The following MND1 variants were observed in gnomAD, a reference collection of about 807,000 sequenced individuals.
The protein encoded by MND1 is meiotic nuclear division protein 1 homolog.
MND1 carries 28 observed loss-of-function variants against 35.1 expected under a neutral mutation model. The observed-to-expected ratio is 0.80, with a 90% confidence interval of 0.59 to 1.09. MND1 has a LOEUF of 1.09. Ranked by LOEUF, MND1 falls within the 50% of genes least tolerant of loss-of-function variation. The probability of loss-of-function intolerance (pLI) is 0.00; values close to 1 mark genes in which losing one functional copy is unlikely to be tolerated. For synonymous variants in MND1, 69 were observed against 70.5 expected (o/e 0.98, Z 0.11); for missense variants, 213 against 239.6 (o/e 0.89, Z 0.73).
intron 6 of MND1, among the ~76,000 whole-genome samples, chr4:153,406,921 C>T (rs889127245): frequency 1.3e-5 from 2 of 152,212 alleles, no homozygotes; most frequent in African/African-American, 4.8e-5. Flanking sequence ...AGGTACGTCT[C>T]ACATGGTGGC....
chr4:153,374,952 AT>A (rs1728459264), intron 4 of MND1, among the ~76,000 whole-genome samples: 1 of 152,266 alleles, frequency 6.6e-6, no homozygotes, highest in Admixed American at 6.5e-5. Flanking sequence ...CAATAAAAAA[AT>A]AATAGAATAT....
At chr4:153,383,527 CCT>C (rs929504305) in intron 4 of MND1, among the ~76,000 whole-genome samples, 37 of 152,178 alleles carry the variant, frequency 2.4e-4, no homozygotes, top group African/African-American at 7.7e-4. Context: ...TCGTTTACCT[CCT>C]CTCTCTTTCT....
At chr4:153,413,687 GA>G (rs35958362) in intron 7 of MND1, among the ~76,000 whole-genome samples, 27,446 of 138,942 alleles carry the variant, frequency 0.2, 2,686 homozygotes, top group African/African-American at 0.26. Flanking sequence ...GTCTCAAGGG[GA>G]AAAAAAAAAA....
chr4:153,379,251 C>T lies in MND1; in HGVS notation c.277-15011C>T, dbSNP rs555311240. Among the ~76,000 whole-genome samples the T allele has an allele frequency of 4.2e-5, 6 of 141,584 alleles. No homozygotes were observed. The South Asian group carries it at 1.3e-3, about 31-fold the overall frequency. The allele number at this position is 141,584 out of a possible 152,430, so 92.9% of individuals were successfully genotyped here. A position where few individuals can be genotyped will look rare whatever the true frequency, so the allele number is the denominator to read the frequency against. ...CTTGCAGTGAGCCGAGATCCTGCCA[C>T]TGCACTCCAGCCTGGGCGACAGAGC... On this transcript the variant is annotated intron_variant, in intron 4 of 7. Transcript: ENST00000240488.
At chr4:153,387,905 A>G (rs1728913014) in intron 4 of MND1, among the ~76,000 whole-genome samples, 1 of 150,202 alleles carries the variant, frequency 6.7e-6, no homozygotes, top group Non-Finnish European at 1.5e-5. Flanking sequence ...TGCTTTTGCT[A>G]TTATCTCTTT....
intron 6 of MND1, among the ~76,000 whole-genome samples, chr4:153,403,091 G>A (rs971977257): frequency 1.6e-4 from 25 of 152,160 alleles, no homozygotes; most frequent in African/African-American, 4.6e-4. Flanking sequence ...AGCCATGATC[G>A]TGCCACTCTG....
At chr4:153,361,154 A>T (rs1032441442) in intron 4 of MND1, among the ~76,000 whole-genome samples, 1 of 152,174 alleles carries the variant, frequency 6.6e-6, no homozygotes, top group East Asian at 1.9e-4. Context: ...CACTTTATGG[A>T]TTTAAAAACA....
intron 4 of MND1, among the ~76,000 whole-genome samples, 155 bp from the exon 5 acceptor site, chr4:153,394,107 A>G (rs545504401): frequency 1.2e-4 from 18 of 151,822 alleles, no homozygotes; most frequent in African/African-American, 3.1e-4. Context: ...CGTGTTGGCC[A>G]GGATGGTCTC....
At chr4:153,385,257 C>T (rs904904583) in intron 4 of MND1, among the ~76,000 whole-genome samples, 7 of 152,076 alleles carry the variant, frequency 4.6e-5, no homozygotes, top group South Asian at 2.1e-4. Flanking sequence ...TGATATCTCC[C>T]GAAATTTTTC....
chr4:153,380,368 T>C lies in MND1; in HGVS notation c.277-13894T>C, dbSNP rs1462270138. ...AGTAGTTACTGCAGCTACTGTGTCCTACCATGACAACACCAAAGCAGAAAG... is the reference window on the plus strand; with the variant it reads ...AGTAGTTACTGCAGCTACTGTGTCCCACCATGACAACACCAAAGCAGAAAG... On this transcript the variant is annotated intron_variant, in intron 4 of 7. Transcript: ENST00000240488. Among the ~76,000 whole-genome samples, 5 of 152,220 alleles carry C rather than the reference T, an allele frequency of 3.3e-5. 1 individual carries two copies. Among genetic ancestry groups the C allele is most frequent in the Non-Finnish European group, 7.3e-5 (5 of 68,038 alleles).
intron 4 of MND1, among the ~76,000 whole-genome samples, chr4:153,392,718 A>G (rs1729080818): frequency 6.6e-6 from 1 of 152,218 alleles, no homozygotes; most frequent in South Asian, 2.1e-4. Flanking sequence ...ATGCCAATCA[A>G]CATTCAATAT....
At chr4:153,396,192 C>T (rs1023848331) in intron 5 of MND1, among the ~76,000 whole-genome samples, 9 of 152,234 alleles carry the variant, frequency 5.9e-5, no homozygotes, top group East Asian at 1.9e-4. Flanking sequence ...TTTAGTTTCT[C>T]GGTCCCAGTG....
At chr4:153,378,562 G>A (rs1231279691) in intron 4 of MND1, among the ~76,000 whole-genome samples, 1 of 152,162 alleles carries the variant, frequency 6.6e-6, no homozygotes, top group Non-Finnish European at 1.5e-5. Flanking sequence ...CCATTTTTAT[G>A]AGGGATTGGT....
intron 6 of MND1, among the ~76,000 whole-genome samples, chr4:153,406,965 A>G (rs1561080702): frequency 6.6e-6 from 1 of 152,172 alleles, no homozygotes; most frequent in Non-Finnish European, 1.5e-5. Context: ...GGAAACTCCC[A>G]TTTTTAAAGC....
intron 1 of MND1, among the ~76,000 whole-genome samples, chr4:153,348,113 G>T (rs1414958613): frequency 6.6e-6 from 1 of 152,098 alleles, no homozygotes; most frequent in Non-Finnish European, 1.5e-5. Context: ...GATGATGAAG[G>T]CCTGAATGAG....
intron 4 of MND1, among the ~76,000 whole-genome samples, chr4:153,388,272 C>T (rs911776490): frequency 6.6e-6 from 1 of 152,130 alleles, no homozygotes; most frequent in African/African-American, 2.4e-5. Context: ...GGAGGATCAC[C>T]TGAGCCCGGG....
At chr4:153,360,531 GTACA>G (rs1773454663) in intron 4 of MND1, among the ~76,000 whole-genome samples, 3 of 150,736 alleles carry the variant, frequency 2.0e-5, no homozygotes, top group Admixed American at 2.0e-4. Context: ...TCAATTTTTT[GTACA>G]TACATGTCCA....
intron 6 of MND1, among the ~76,000 whole-genome samples, chr4:153,407,853 G>C (rs1391113402): frequency 6.6e-6 from 1 of 152,210 alleles, no homozygotes; most frequent in East Asian, 1.9e-4. Context: ...TAGGTTAGTA[G>C]TTGCCAGGGG....
intron 4 of MND1, among the ~76,000 whole-genome samples, chr4:153,372,297 G>A (rs1226565311): frequency 1.3e-5 from 2 of 151,934 alleles, no homozygotes; most frequent in African/African-American, 2.4e-5. Flanking sequence ...TATCTGAAGT[G>A]CAGTAAAGCA....
Sources: gnomAD v4.1 joint callset for allele counts (sites outside exome capture counted in the v4.1 genomes callset) on GRCh38, gnomAD v4.1.1 for gene constraint, MANE v1.5 for transcripts, NCBI Gene and HGNC (gene_info 2026-07-23, HGNC 2026-07-21) for gene names.